JARID2: variants seen among roughly 807,000 people sequenced by gnomAD.
The protein encoded by JARID2 is protein Jumonji.
JARID2 carries 21 observed loss-of-function variants against 125.6 expected under a neutral mutation model. The ratio of observed to expected loss-of-function variants is 0.17; its 90% confidence interval spans 0.12 to 0.24. The LOEUF (loss-of-function observed/expected upper bound fraction) is 0.24. Among genes scored for constraint, JARID2 ranks in the 10% least tolerant of loss-of-function variants. The pLI is 1.00. For missense variants in JARID2, 1,303 were observed against 1,639.6 expected (o/e 0.79, Z 3.55); for synonymous variants, 736 against 661.6 (o/e 1.11, Z -1.73).
At chr6:15,438,626 ATC>A (rs1561863116) in intron 3 of JARID2, among the ~76,000 whole-genome samples, 2 of 152,170 alleles carry the variant, frequency 1.3e-5, no homozygotes, top group Non-Finnish European at 2.9e-5. Flanking sequence ...GGCAAATGTT[ATC>A]CTTTCTCTTC....
At chr6:15,499,754 T>G (rs2237115) in intron 7 of JARID2, among the ~76,000 whole-genome samples, 43 of 151,962 alleles carry the variant, frequency 2.8e-4, no homozygotes, top group Non-Finnish European at 5.1e-4. Context: ...TTACCCCAAC[T>G]CCCCTGTTCT....
intron 5 of JARID2, among the ~76,000 whole-genome samples, chr6:15,478,341 G>A (rs1160930917): frequency 8.5e-5 from 13 of 152,114 alleles, no homozygotes; most frequent in African/African-American, 3.1e-4. Context: ...ATGCTGCTTG[G>A]GGTTGTGGGG....
chr6:15,481,871 T>C (rs1014215408), intron 5 of JARID2, among the ~76,000 whole-genome samples: 1 of 152,202 alleles, frequency 6.6e-6, no homozygotes, highest in African/African-American at 2.4e-5. Flanking sequence ...CTTGCTGAAG[T>C]CTTCAGGGCA....
At chr6:15,458,049 T>C (rs1417712045) in intron 4 of JARID2, among the ~76,000 whole-genome samples, 2 of 152,192 alleles carry the variant, frequency 1.3e-5, no homozygotes, top group African/African-American at 4.8e-5. Context: ...CACATGTCTC[T>C]TGCCAGAGGC....
chr6:15,446,337 G>A (rs1345938966), intron 3 of JARID2, among the ~76,000 whole-genome samples: 1 of 152,228 alleles, frequency 6.6e-6, no homozygotes, highest in African/African-American at 2.4e-5. Flanking sequence ...TTGGGGTTAG[G>A]TGGCTGGTTA....
At chr6:15,487,255 G>A (rs758580120) in intron 5 of JARID2, 52 bp from the exon 6 acceptor site, 11 of 1,460,552 alleles carry the variant, frequency 7.5e-6, no homozygotes, top group East Asian at 4.7e-5. Context: ...AGTAGTTTGC[G>A]TGGTAGTGGT....
chr6:15,351,559 C>G (rs1581444048), intron 1 of JARID2, among the ~76,000 whole-genome samples: 1 of 152,168 alleles, frequency 6.6e-6, no homozygotes, highest in South Asian at 2.1e-4. Flanking sequence ...AATGTTGGTG[C>G]ATGTGTAGCG....
chr6:15,345,789 G>A lies in JARID2; in HGVS notation c.46-28328G>A, dbSNP rs145078439. On this transcript the variant is annotated intron_variant, in intron 1 of 17. Coordinates refer to ENST00000341776, the MANE Select transcript of JARID2 (RefSeq NM_004973.4). ...GTTACATGGGCAACATTGTAGTTCA[G>A]CACAGCCCTTGGGTTGCTGGGAGTC... Among the ~76,000 whole-genome samples the A allele has an allele frequency of 5.4e-3, 829 of 152,294 alleles. 10 individuals carry two copies. The highest frequency in any genetic ancestry group is 0.016 in the African/African-American group (674 of 41,566).
intron 14 of JARID2, among the ~76,000 whole-genome samples, 175 bp downstream of exon 14, chr6:15,512,565 G>C (rs771474149): frequency 1.3e-5 from 2 of 152,186 alleles, no homozygotes; most frequent in Non-Finnish European, 2.9e-5. Context: ...ATGAAAAGTT[G>C]TTAGGGATTT....
chr6:15,508,862 T>C (rs1361709597), intron 12 of JARID2: 1 of 753,406 alleles, frequency 1.3e-6, no homozygotes, highest in Non-Finnish European at 1.9e-6. Flanking sequence ...TAAGGAACAG[T>C]AGTAAAAGTG....
intron 4 of JARID2, 23 bp downstream of exon 4, chr6:15,452,198 G>A (rs182947458): frequency 8.7e-6 from 14 of 1,611,938 alleles, no homozygotes; most frequent in African/African-American, 2.7e-5. Flanking sequence ...AACCATCGGC[G>A]GAGGTCTACG....
chr6:15,249,157 G>T (rs1051212378), intron 1 of JARID2, among the ~76,000 whole-genome samples: 1 of 152,244 alleles, frequency 6.6e-6, no homozygotes, highest in Non-Finnish European at 1.5e-5. Flanking sequence ...CTTATGTAAA[G>T]AAATGAAAGT....
At chr6:15,508,152 A>G (rs1771100267) in intron 11 of JARID2, among the ~76,000 whole-genome samples, 188 bp from the exon 12 acceptor site, 1 of 152,176 alleles carries the variant, frequency 6.6e-6, no homozygotes, top group South Asian at 2.1e-4. Flanking sequence ...AGCGGTGTTC[A>G]TATTCTCCCA....
chr6:15,276,506 A>T (rs1262428283), intron 1 of JARID2, among the ~76,000 whole-genome samples: 1 of 152,164 alleles, frequency 6.6e-6, no homozygotes, highest in African/African-American at 2.4e-5. Context: ...TTTGGAGGTA[A>T]AAGTTTACTA....
chr6:15,475,396 A>T (rs1769290651), intron 5 of JARID2, among the ~76,000 whole-genome samples: 1 of 152,246 alleles, frequency 6.6e-6, no homozygotes, highest in African/African-American at 2.4e-5. Context: ...AACTGCAGAC[A>T]GAGGAAAGAG....
intron 2 of JARID2, among the ~76,000 whole-genome samples, chr6:15,381,091 C>T (rs1033728102): frequency 4.6e-5 from 7 of 151,398 alleles, no homozygotes; most frequent in African/African-American, 1.7e-4. Context: ...CGGTGGCTCA[C>T]ACCTGTAATC....
At chr6:15,414,959 C>T (rs553243598) in intron 3 of JARID2, among the ~76,000 whole-genome samples, 82 of 152,184 alleles carry the variant, frequency 5.4e-4, no homozygotes, top group Non-Finnish European at 1.1e-3. Flanking sequence ...GAGGACCCTG[C>T]GGCTTTCCGC....
chr6:15,398,065 T>A (rs1369635114), intron 2 of JARID2, among the ~76,000 whole-genome samples: 1 of 152,200 alleles, frequency 6.6e-6, no homozygotes. Context: ...CCAATTCCCA[T>A]TGGAACCTGT....
At chr6:15,361,113 C>G (rs895476695) in intron 1 of JARID2, among the ~76,000 whole-genome samples, 6 of 152,208 alleles carry the variant, frequency 3.9e-5, no homozygotes, top group Non-Finnish European at 7.3e-5. Context: ...ACTCCATTTA[C>G]TGAGTTGAAA....
Sources: gnomAD v4.1 joint callset for allele counts (sites outside exome capture counted in the v4.1 genomes callset) on GRCh38, gnomAD v4.1.1 for gene constraint, MANE v1.5 for transcripts, NCBI Gene and HGNC (gene_info 2026-07-23, HGNC 2026-07-21) for gene names.